The following RYK variants were observed in gnomAD, a reference collection of about 807,000 sequenced individuals.
The protein encoded by RYK is receptor like tyrosine kinase, also known as inactive tyrosine-protein kinase RYK.
A neutral mutation model predicts 70.2 loss-of-function variants in RYK; 21 were observed. The ratio of observed to expected loss-of-function variants is 0.30; its 90% CI spans 0.21 to 0.43. RYK has a LOEUF of 0.43. RYK is among the 20% of genes least tolerant of loss of function. The probability of loss-of-function intolerance (pLI) is 1.00; values close to 1 mark genes in which losing one functional copy is unlikely to be tolerated. For synonymous variants in RYK, 267 were observed against 278.0 expected (o/e 0.96, Z 0.39); for missense variants, 604 against 753.3 (o/e 0.80, Z 2.32).
intron 1 of RYK, among the ~76,000 whole-genome samples, chr3:134,234,092 T>C (rs377497972): frequency 1.3e-5 from 2 of 152,260 alleles, no homozygotes; most frequent in East Asian, 3.9e-4. Context: ...TTTCTTCTCT[T>C]AAATTTTCTA....
chr3:134,176,015 G>A lies in RYK; in HGVS notation c.1330C>T (p.His444Tyr). The change falls in exon 12 of 15, where the codon CAC (histidine) becomes TAC (tyrosine). Residue 444 changes from histidine to tyrosine, a missense_variant. Physicochemically the swap from His to Tyr is moderately conservative, Grantham distance 83 (BLOSUM62 2). Coordinates refer to ENST00000623711, the MANE Select transcript of RYK (RefSeq NM_002958.4). ...CCACAGGCAATCTGAATAGCCATGT[G>A]TACCAGGTCTTGCTGAGAAATTGCC... Reference protein sequence around the residue: ...PQAISQQDLVHMAIQIACGMS... With the variant: ...PQAISQQDLVYMAIQIACGMS... The A allele has an allele frequency of 6.2e-7, 1 of 1,602,996 alleles. No individual in the cohort carries two copies. The highest frequency in any genetic ancestry group is 8.5e-7 in the Non-Finnish European group (1 of 1,174,148).
At chr3:134,250,352 G>T in intron 1 of RYK, 71 bp downstream of exon 1, 1 of 1,005,978 alleles carries the variant, frequency 9.9e-7, no homozygotes, top group Non-Finnish European at 1.3e-6. Flanking sequence ...CTCGCAGACT[G>T]ATCCGCCGGC....
At chr3:134,181,429 C>G (rs1385926527) in intron 10 of RYK, 1 of 152,014 alleles carries the variant, frequency 6.6e-6, no homozygotes, top group Non-Finnish European at 1.5e-5. Flanking sequence ...CATTTGTTTT[C>G]TTTTTTACCA....
At chr3:134,207,440 A>C in intron 5 of RYK, 32 bp downstream of exon 5, 1 of 1,418,022 alleles carries the variant, frequency 7.1e-7, no homozygotes, top group Non-Finnish European at 9.5e-7. Flanking sequence ...TTCATTTCTA[A>C]TAATGGATAA....
At chr3:134,250,290 G>A (rs929240687) in intron 1 of RYK, 133 bp downstream of exon 1, 15 of 393,946 alleles carry the variant, frequency 3.8e-5, no homozygotes, top group African/African-American at 3.2e-4. Flanking sequence ...ACCGGGCCGC[G>A]AGGCGAATCC....
At chr3:134,192,714 A>G (rs2013683850) in intron 7 of RYK, among the ~76,000 whole-genome samples, 1 of 152,228 alleles carries the variant, frequency 6.6e-6, no homozygotes, top group Non-Finnish European at 1.5e-5. Flanking sequence ...GCATCTCCAG[A>G]TAATGGGAAG....
rs139352680 is a variant in RYK at position 134,224,693 on chromosome 3, G to A, written c.233-2154C>T. ...ACTAGACCAAGGTCTGCTAAGTAAC[G>A]GGTGCCTTCCCAGGCACTGGCGTTA... On this transcript the variant is annotated intron_variant, in intron 1 of 14. Coordinates refer to ENST00000623711, the MANE Select transcript of RYK (RefSeq NM_002958.4). Among the ~76,000 whole-genome samples, 1,062 of 151,796 alleles carry A rather than the reference G, an allele frequency of 7.0e-3. 17 individuals carry two copies. The highest frequency in any genetic ancestry group is 0.024 in the African/African-American group (975 of 41,214).
chr3:134,211,502 A>G lies in RYK; in HGVS notation c.454+6T>C. 1 of 1,601,638 alleles carries G rather than the reference A, an allele frequency of 6.2e-7. No homozygotes were observed. The highest frequency in any genetic ancestry group is 8.5e-7 in the Non-Finnish European group (1 of 1,170,730). ...GTTAACTCTGTCTTTGAAGACTCTT[A>G]CTTACCTGATAAAGTGCGTGGAACT... On this transcript the variant is annotated splice_donor_region_variant and intron_variant, in intron 3 of 14. Coordinates refer to ENST00000623711, the MANE Select transcript of RYK (RefSeq NM_002958.4).
intron 10 of RYK, 73 bp from the exon 11 acceptor site, chr3:134,178,146 A>G: frequency 9.2e-7 from 1 of 1,087,416 alleles, no homozygotes; most frequent in Admixed American, 2.6e-5. Flanking sequence ...TAATAAAAAT[A>G]ATCTAAAACA....
intron 6 of RYK, among the ~76,000 whole-genome samples, chr3:134,197,471 C>T (rs1027432073): frequency 5.3e-5 from 8 of 152,264 alleles, no homozygotes; most frequent in African/African-American, 1.7e-4. Context: ...CATTTATTGC[C>T]TAGCCCTCAA....
intron 10 of RYK, chr3:134,179,059 T>C (rs1485031846): frequency 1.3e-5 from 2 of 152,050 alleles, no homozygotes; most frequent in Admixed American, 1.3e-4. Flanking sequence ...AAGGAAAGAA[T>C]AACAGGATAA....
At chr3:134,226,799 C>A (rs2014923002) in intron 1 of RYK, among the ~76,000 whole-genome samples, 1 of 151,986 alleles carries the variant, frequency 6.6e-6, no homozygotes, top group Admixed American at 6.6e-5. Flanking sequence ...TAGGAATAGA[C>A]AGAAACTTTC....
chr3:134,200,923 A>C (rs1283521153), intron 6 of RYK, among the ~76,000 whole-genome samples: 1 of 152,278 alleles, frequency 6.6e-6, no homozygotes, highest in Non-Finnish European at 1.5e-5. Context: ...ATGGATGGTA[A>C]CTAATTATTT....
intron 9 of RYK, 92 bp downstream of exon 9, chr3:134,188,745 G>A: frequency 4.1e-6 from 3 of 732,898 alleles, no homozygotes; most frequent in South Asian, 1.7e-5. Flanking sequence ...AAAAGGTCTG[G>A]CACACATTGG....
At chr3:134,200,309 C>T (rs970163411) in intron 6 of RYK, among the ~76,000 whole-genome samples, 8 of 152,114 alleles carry the variant, frequency 5.3e-5, no homozygotes, top group Non-Finnish European at 1.0e-4. Flanking sequence ...CCAGGAGGAA[C>T]GAACCACTCC....
chr3:134,159,379 A>G lies in RYK; in HGVS notation c.1576-6T>C. 6.3e-7 allele frequency: 1 copy of G among 1,594,414 alleles called. No individual in the cohort carries two copies. The highest frequency in any genetic ancestry group is 1.1e-5 in the South Asian group (1 of 87,966). On this transcript the variant is annotated splice_region_variant and splice_polypyrimidine_tract_variant and intron_variant, in intron 13 of 14. Transcript: ENST00000623711. ...AGCGTCACTCCAAAGGCCCACTAGT[A>G]AAGGAGCAGAAGCACAATGAGGGGA...
At chr3:134,226,549 GA>G (rs1455395939) in intron 1 of RYK, among the ~76,000 whole-genome samples, 1 of 151,956 alleles carries the variant, frequency 6.6e-6, no homozygotes, top group Non-Finnish European at 1.5e-5. Flanking sequence ...AATGAGAAAA[GA>G]AAATTACAGA....
chr3:134,168,182 AC>A (rs2012754815), intron 13 of RYK, among the ~76,000 whole-genome samples: 1 of 152,206 alleles, frequency 6.6e-6, no homozygotes, highest in African/African-American at 2.4e-5. Context: ...GGGACTGTAA[AC>A]TAGTTCAACC....
At chr3:134,176,863 C>A (rs10804629) in intron 11 of RYK, among the ~76,000 whole-genome samples, 13,513 of 151,662 alleles carry the variant, frequency 0.089, 1,238 homozygotes, top group South Asian at 0.32. Flanking sequence ...ATCCTGGCTA[C>A]CACGGTGAAA....
Sources: allele counts gnomAD v4.1 joint callset (sites outside exome capture counted in the v4.1 genomes callset), GRCh38; gene constraint gnomAD v4.1.1; transcripts MANE v1.5; gene names NCBI Gene and HGNC (gene_info 2026-07-23, HGNC 2026-07-21).